The following RYR2 variants were observed in gnomAD, a reference collection of about 807,000 sequenced individuals.
The protein encoded by RYR2 is ryanodine receptor 2, also known as cardiac muscle ryanodine receptor-calcium release channel.
Under a neutral mutation model 601.1 loss-of-function variants are expected in RYR2, and 227 were observed. That is an observed-to-expected ratio of 0.38 (90% CI 0.34 to 0.42). RYR2 has a LOEUF of 0.42. Ranked by LOEUF, RYR2 falls within the 10% of genes least tolerant of loss-of-function variation. The pLI is 1.00. For missense variants in RYR2, 4,646 were observed against 6,156.5 expected, an observed-to-expected ratio of 0.75 and a Z score of 8.21; for synonymous variants, 2,223 against 2,175.1, an observed-to-expected ratio of 1.02 and a Z score of -0.61.
chr1:237,369,576 GC>G lies in RYR2; in HGVS notation c.354del (p.Ile119TyrfsTer65). The G allele has an allele frequency of 6.4e-7, 1 of 1,564,924 alleles. No homozygotes were observed. Among genetic ancestry groups the G allele is most frequent in the South Asian group, 1.2e-5 (1 of 84,938 alleles). On this transcript the variant is annotated frameshift_variant, in exon 6 of 105. Transcript: ENST00000366574. LOFTEE classifies it high-confidence loss of function. Reference protein sequence around the residue: ...GGHRTLLYGHAILLRHSYSGM... With the variant: ...GGHRTLLYGHXILLRHSYSGM... ...TCATCGAACACTCCTCTACGGACAT[GC>G]CATATTGCTGCGCCATTCCTATAGT...
intron 1 of RYR2, among the ~76,000 whole-genome samples, chr1:237,046,058 T>C (rs1241383736): frequency 6.6e-6 from 1 of 152,154 alleles, no homozygotes; most frequent in Non-Finnish European, 1.5e-5. Flanking sequence ...TCCTGTCTTC[T>C]TTTGCAGAAT....
intron 1 of RYR2, among the ~76,000 whole-genome samples, chr1:237,103,434 G>A (rs963128062): frequency 6.6e-6 from 1 of 152,200 alleles, no homozygotes; most frequent in Non-Finnish European, 1.5e-5. Context: ...GCAACGTGAA[G>A]AACAGGGGAC....
intron 1 of RYR2, among the ~76,000 whole-genome samples, chr1:237,096,384 G>T (rs1404950432): frequency 1.3e-5 from 2 of 152,070 alleles, no homozygotes; most frequent in Admixed American, 6.6e-5. Context: ...TTCTCCTTTT[G>T]TTTCAACCTA....
intron 3 of RYR2, among the ~76,000 whole-genome samples, chr1:237,351,854 C>CAAA (rs33955032): frequency 1.3e-3 from 54 of 40,906 alleles, no homozygotes; most frequent in East Asian, 3.2e-3. Context: ...AAAGACCATG[C>CAAA]AAAAAAAAAA....
At position 237,788,045 on chromosome 1, in the gene RYR2, G is replaced by A. The variant is rs1174113751; in HGVS notation, c.13386G>A (p.Leu4462=). 6.2e-7 allele frequency: 1 copy of A among 1,609,952 alleles called. No individual in the cohort carries two copies. The highest frequency in any genetic ancestry group is 2.2e-5 in the East Asian group (1 of 44,780). Residue 4462 remains leucine (L), a synonymous_variant, in exon 92 of 105, where the codon TTG becomes TTA. Coordinates refer to ENST00000366574, the MANE Select transcript of RYR2 (RefSeq NM_001035.3). ...KAKEDKGKQK[L]RQLHTHRYGE... ...AGGAAGACAAGGGCAAACAAAAGTTGAGGCAGCTTCACACACACAGATACG... is the reference window on the plus strand; with the variant it reads ...AGGAAGACAAGGGCAAACAAAAGTTAAGGCAGCTTCACACACACAGATACG...
intron 1 of RYR2, among the ~76,000 whole-genome samples, chr1:237,138,187 G>A (rs370200360): frequency 2.1e-4 from 32 of 151,904 alleles, no homozygotes; most frequent in Admixed American, 3.3e-4. Flanking sequence ...GTGTGCCACC[G>A]TGCCCGGCTA....
intron 81 of RYR2, 79 bp downstream of exon 81, chr1:237,756,466 A>T: frequency 1.1e-6 from 1 of 886,242 alleles, no homozygotes; most frequent in Non-Finnish European, 1.8e-6. Flanking sequence ...CCTCATTTCA[A>T]TTCCACTGAC....
intron 92 of RYR2, among the ~76,000 whole-genome samples, chr1:237,788,409 G>C (rs902071293): frequency 6.6e-6 from 1 of 152,148 alleles, no homozygotes; most frequent in African/African-American, 2.4e-5. Flanking sequence ...CCCAGTGTCT[G>C]CCCACAAAGA....
intron 1 of RYR2, among the ~76,000 whole-genome samples, chr1:237,196,808 C>T (rs2149027783): frequency 6.6e-6 from 1 of 152,270 alleles, no homozygotes; most frequent in Admixed American, 6.5e-5. Flanking sequence ...GTAAGATACA[C>T]AGTCAGTATT....
Position 237,505,687 on chromosome 1 carries a change from T to C in RYR2, c.2614-1023T>C, listed in dbSNP as rs934842004. Among the ~76,000 whole-genome samples the C allele has an allele frequency of 1.2e-4, 19 of 152,170 alleles. 1 individual carries two copies. Among genetic ancestry groups the C allele is most frequent in the Admixed American group, 9.8e-4 (15 of 15,276 alleles). On this transcript the variant is annotated intron_variant, in intron 22 of 104. Coordinates refer to ENST00000366574, the MANE Select transcript of RYR2 (RefSeq NM_001035.3). ...TTACCTGAGACCCAGATAACCTCTA[T>C]CAGGGAAAGGAAACAGTTATCACCT...
chr1:237,403,879 C>T (rs372618901), intron 10 of RYR2, among the ~76,000 whole-genome samples: 17 of 152,120 alleles, frequency 1.1e-4, no homozygotes, highest in South Asian at 8.3e-4. Context: ...AAGATAAATA[C>T]GAGAGTTAAA....
intron 25 of RYR2, among the ~76,000 whole-genome samples, chr1:237,530,825 G>T (rs932479919): frequency 1.3e-5 from 2 of 151,992 alleles, no homozygotes; most frequent in South Asian, 2.1e-4. Flanking sequence ...CAGGAGAATC[G>T]CTTGAACTTG....
intron 3 of RYR2, among the ~76,000 whole-genome samples, chr1:237,343,708 T>A (rs1278995257): frequency 6.6e-6 from 1 of 152,208 alleles, no homozygotes; most frequent in Non-Finnish European, 1.5e-5. Flanking sequence ...CATTTATTGA[T>A]TCTTGAGGTA....
chr1:237,482,914 T>C (rs1005316307), intron 17 of RYR2, among the ~76,000 whole-genome samples: 1 of 152,284 alleles, frequency 6.6e-6, no homozygotes, highest in Admixed American at 6.5e-5. Flanking sequence ...TGCAATGATA[T>C]CTCATTATAG....
chr1:237,606,142 G>A (rs940473672), intron 35 of RYR2, among the ~76,000 whole-genome samples: 5 of 151,686 alleles, frequency 3.3e-5, no homozygotes, highest in African/African-American at 1.2e-4. Context: ...AAAGCTGGAG[G>A]CATCATGCTA....
chr1:237,267,046 A>C (rs1689141886), intron 1 of RYR2, among the ~76,000 whole-genome samples: 1 of 152,206 alleles, frequency 6.6e-6, no homozygotes, highest in Non-Finnish European at 1.5e-5. Flanking sequence ...GGATAGCTTA[A>C]TATAGTATTT....
rs550847991 is a variant in RYR2 at position 237,546,555 on chromosome 1, T to A, written c.2907-1876T>A. Reference sequence around the variant, plus strand: ...ACCATGCCCAGCTAATTGTTTTGTATTTTTTAGTAGAGATGGGGTTTTGCC... The same window carrying A: ...ACCATGCCCAGCTAATTGTTTTGTAATTTTTAGTAGAGATGGGGTTTTGCC... On this transcript the variant is annotated intron_variant, in intron 25 of 104. Transcript: ENST00000366574. Among the ~76,000 whole-genome samples, 21 of 152,110 alleles carry A rather than the reference T, an allele frequency of 1.4e-4. No homozygotes were observed. In the East Asian group the frequency reaches 4.1e-3, roughly 30 times the overall value.
chr1:237,235,196 G>A (rs1424548460), intron 1 of RYR2, among the ~76,000 whole-genome samples: 1 of 152,208 alleles, frequency 6.6e-6, no homozygotes, highest in African/African-American at 2.4e-5. Flanking sequence ...CTAAAGCACT[G>A]TGATTTAACA....
Position 237,784,735 on chromosome 1 carries a change from G to A in RYR2, c.13023G>A (p.Glu4341=), listed in dbSNP as rs2149356131. The A allele has an allele frequency of 2.5e-6, 4 of 1,604,064 alleles. No homozygotes were observed. The highest frequency in any genetic ancestry group is 1.7e-4 in the Middle Eastern group (1 of 5,980). The change falls in exon 90 of 105, where the codon GAG becomes GAA. Residue 4341 remains glutamate, a synonymous_variant. Transcript: ENST00000366574. The surrounding 1 kb of genome is among the most constrained non-coding windows in gnomAD (Gnocchi z 7.1). ...LANMPDPTQD[E]VRGDGEEGER... is the part of the protein sequence containing the mutation. ...ACATGCCAGACCCCACTCAGGATGA[G>A]GTTAGAGGAGATGGGGAGGAGGGAG...
Sources: allele counts gnomAD v4.1 joint callset (sites outside exome capture counted in the v4.1 genomes callset), GRCh38; gene constraint gnomAD v4.1.1; non-coding constraint Gnocchi (gnomAD v3.1); transcripts MANE v1.5; gene names NCBI Gene and HGNC (gene_info 2026-07-23, HGNC 2026-07-21).